The following DMD variants were observed in gnomAD, a reference collection of about 807,000 sequenced individuals.
DMD encodes dystrophin.
Under a neutral mutation model 330.1 loss-of-function variants are expected in DMD, and 63 were observed. The observed-to-expected ratio is 0.19, with a 90% CI of 0.16 to 0.24. The LOEUF is 0.24. DMD is among the 10% of genes least tolerant of loss of function. DMD has a pLI of 1.00. For missense variants in DMD, 3,344 were observed against 2,684.1 expected (o/e 1.25, Z -5.43); for synonymous variants, 1,223 against 959.8 (o/e 1.27, Z -5.07).
At chrX:33,168,169 C>T (rs919906107) in intron 1 of DMD, among the ~76,000 whole-genome samples, 1 of 110,315 alleles carries the variant, frequency 9.1e-6, no homozygotes, top group East Asian at 2.8e-4. Flanking sequence ...TCTAAGTTTC[C>T]GGAATTCTGC....
chrX:33,266,342 G>A (rs1037221006), intron 1 of DMD, among the ~76,000 whole-genome samples: 1 of 111,854 alleles, frequency 8.9e-6, no homozygotes, highest in Non-Finnish European at 1.9e-5. Flanking sequence ...GTGCAATGTT[G>A]AAATCAGCAA....
At chrX:32,411,438 T>A (rs190581534) in intron 30 of DMD, among the ~76,000 whole-genome samples, 113 of 111,632 alleles carry the variant, frequency 1.0e-3, no homozygotes, top group Admixed American at 2.5e-3. Context: ...CAAAAAACAT[T>A]TTCTTTACCA....
intron 53 of DMD, among the ~76,000 whole-genome samples, chrX:31,676,340 C>A (rs1273988860): frequency 8.9e-6 from 1 of 112,170 alleles, no homozygotes; most frequent in East Asian, 2.8e-4. Flanking sequence ...ATGTAAAGAC[C>A]AGATAACCAT....
chrX:32,287,747 C>T (rs2097448584), intron 42 of DMD, 46 bp from the exon 43 acceptor site: 1 of 911,765 alleles, frequency 1.1e-6, no homozygotes, highest in African/African-American at 2.2e-5. Context: ...AATTAGCTGT[C>T]TATAGAAAGA....
At chrX:32,204,257 G>T (rs1178158241) in intron 44 of DMD, among the ~76,000 whole-genome samples, 1 of 111,856 alleles carries the variant, frequency 8.9e-6, no homozygotes, top group Non-Finnish European at 1.9e-5. Context: ...GGGATAAAGC[G>T]TTTAAACTTT....
chrX:32,726,287 A>G (rs2066873544), intron 7 of DMD, among the ~76,000 whole-genome samples: 1 of 111,419 alleles, frequency 9.0e-6, no homozygotes, highest in Non-Finnish European at 1.9e-5. Context: ...GTCTCCCATA[A>G]TAAATTCACA....
chrX:32,348,356 T>G (rs753416968), intron 38 of DMD, 50 bp downstream of exon 38: 2 of 1,156,929 alleles, frequency 1.7e-6, no homozygotes, highest in East Asian at 3.0e-5. Flanking sequence ...TCTTTCCAAA[T>G]ATTTATTTCC....
At chrX:32,986,767 G>A (rs776144796) in intron 2 of DMD, among the ~76,000 whole-genome samples, 1 of 110,101 alleles carries the variant, frequency 9.1e-6, no homozygotes, top group Non-Finnish European at 1.9e-5. Context: ...GAATGATAGA[G>A]CTTCCAATTA....
chrX:32,403,692 G>T (rs1370902580), intron 30 of DMD, among the ~76,000 whole-genome samples: 1 of 111,500 alleles, frequency 9.0e-6, no homozygotes, highest in Non-Finnish European at 1.9e-5. Context: ...CAACACATAG[G>T]GGTGGCCTTT....
At chrX:33,108,901 G>T (rs1359206061) in intron 1 of DMD, among the ~76,000 whole-genome samples, 2 of 52,986 alleles carry the variant, frequency 3.8e-5, no homozygotes, top group African/African-American at 1.0e-4. Flanking sequence ...AGAGAGAAGT[G>T]ATTTAAACCT....
At chrX:31,380,751 A>G (rs1201808898) in intron 60 of DMD, among the ~76,000 whole-genome samples, 1 of 110,079 alleles carries the variant, frequency 9.1e-6, no homozygotes, top group Non-Finnish European at 1.9e-5. Context: ...CTGGATCTCA[A>G]ACATGCTTTC....
Position 32,815,520 on chromosome X carries a change from T to TATACACACACAC in DMD, c.530+947_530+948insGTGTGTGTGTAT. Among the ~76,000 whole-genome samples, 4 of 78,902 alleles carry TATACACACACAC rather than the reference T, an allele frequency of 5.1e-5. 1 individual carries two copies. Among genetic ancestry groups the TATACACACACAC allele is most frequent in the East Asian group, 3.8e-4 (1 of 2,665 alleles). The allele number at this position is 78,902 out of a possible 115,157, so 68.5% of individuals were successfully genotyped here. On this transcript the variant is annotated intron_variant, in intron 6 of 78. Coordinates refer to ENST00000357033, the MANE Select transcript of DMD (RefSeq NM_004006.3). ...ATATATATATATATATATATATATA[T>TATACACACACAC]ACACACACACACACACATATATATA...
At chrX:31,601,059 CATGAAACA>C (rs2077342478) in intron 55 of DMD, among the ~76,000 whole-genome samples, 1 of 111,770 alleles carries the variant, frequency 8.9e-6, no homozygotes, top group Non-Finnish European at 1.9e-5. Flanking sequence ...CAAATACAAT[CATGAAACA>C]GGACACAAAT....
intron 29 of DMD, among the ~76,000 whole-genome samples, chrX:32,428,939 T>A (rs1225022712): frequency 8.9e-6 from 1 of 111,787 alleles, no homozygotes; most frequent in Non-Finnish European, 1.9e-5. Flanking sequence ...AGAACTGTTA[T>A]ATTTTACTCC....
chrX:32,859,271 C>A lies in DMD; in HGVS notation c.94-9451G>T, dbSNP rs555349926. Among the ~76,000 whole-genome samples the A allele has an allele frequency of 6.4e-5, 7 of 110,181 alleles. No homozygotes were observed. The South Asian group carries it at 2.8e-3, about 43-fold the overall frequency. On this transcript the variant is annotated intron_variant, in intron 2 of 78. Transcript: ENST00000357033. ...TCACTTAAGGTCAGGAGTTCGAGAC[C>A]AGCCTGGCCAACATGGTCAAACCAT... is the stretch of plus-strand genomic sequence containing the variant.
At chrX:32,060,365 T>G (rs2096214044) in intron 44 of DMD, among the ~76,000 whole-genome samples, 2 of 111,533 alleles carry the variant, frequency 1.8e-5, no homozygotes, top group South Asian at 7.5e-4. Flanking sequence ...TGTCAATTTT[T>G]TGGAAAACCA....
chrX:32,879,536 G>A (rs765186810), intron 2 of DMD, among the ~76,000 whole-genome samples: 2 of 112,114 alleles, frequency 1.8e-5, no homozygotes, highest in Non-Finnish European at 3.8e-5. Flanking sequence ...ACAAGTGATC[G>A]TCGTTCATTC....
At chrX:32,811,932 G>A (rs749128153) in intron 6 of DMD, among the ~76,000 whole-genome samples, 6 of 112,012 alleles carry the variant, frequency 5.4e-5, no homozygotes, top group Non-Finnish European at 1.1e-4. Context: ...AGCAAAACAT[G>A]CTCAGATAAT....
intron 43 of DMD, among the ~76,000 whole-genome samples, chrX:32,279,298 T>G (rs148282855): frequency 8.7e-4 from 97 of 111,431 alleles, no homozygotes; most frequent in Middle Eastern, 4.6e-3. Flanking sequence ...GATCCAGCAA[T>G]CCCACTGCTG....
Sources: gnomAD v4.1 joint callset for allele counts (sites outside exome capture counted in the v4.1 genomes callset) on GRCh38, gnomAD v4.1.1 for gene constraint, MANE v1.5 for transcripts, NCBI Gene and HGNC (gene_info 2026-07-23, HGNC 2026-07-21) for gene names.